Variants in ARHGAP15 observed in about 807,000 individuals in gnomAD.
ARHGAP15 encodes rho GTPase-activating protein 15.
ARHGAP15 carries 51 observed loss-of-function variants against 63.7 expected under a neutral mutation model. That is an observed-to-expected ratio of 0.80 (90% CI 0.64 to 1.01). The LOEUF is 1.01. Among genes scored for constraint, ARHGAP15 ranks in the 50% least tolerant of loss-of-function variants. The pLI is 0.00. For synonymous variants in ARHGAP15, 191 were observed against 193.8 expected, an observed-to-expected ratio of 0.99 and a Z score of 0.12; for missense variants, 560 against 564.6, an observed-to-expected ratio of 0.99 and a Z score of 0.08.
At chr2:143,742,890 T>A (rs1686014821) in intron 13 of ARHGAP15, among the ~76,000 whole-genome samples, 1 of 152,172 alleles carries the variant, frequency 6.6e-6, no homozygotes, top group Non-Finnish European at 1.5e-5. Context: ...ATATTCTCCT[T>A]CACAGACTTT....
intron 11 of ARHGAP15, among the ~76,000 whole-genome samples, chr2:143,604,566 C>T (rs916392763): frequency 2.0e-5 from 3 of 152,190 alleles, no homozygotes; most frequent in African/African-American, 7.2e-5. Flanking sequence ...TTTCAGAGAA[C>T]ATATTATATC....
rs1270213913 is a variant in ARHGAP15 at position 143,713,188 on chromosome 2, G to A, written c.1244+9664G>A. 2.0e-5 allele frequency among the ~76,000 whole-genome samples: 3 copies of A among 152,270 alleles called. No homozygotes were observed. The East Asian group carries it at 5.8e-4, about 29-fold the overall frequency. ...AGTTTAATTGGACTTACAGTTCCAC[G>A]TGGCTGAGGTGGAGAGACCTCAGAA... is the stretch of plus-strand genomic sequence containing the variant. On this transcript the variant is annotated intron_variant, in intron 13 of 13. Transcript: ENST00000295095.
chr2:143,503,554 C>A (rs1024307428), intron 9 of ARHGAP15, among the ~76,000 whole-genome samples: 1 of 152,214 alleles, frequency 6.6e-6, no homozygotes. Context: ...GCGTAGCAAA[C>A]AATAGCTATT....
intron 11 of ARHGAP15, among the ~76,000 whole-genome samples, chr2:143,564,937 A>G (rs1283309328): frequency 1.3e-5 from 2 of 152,232 alleles, no homozygotes; most frequent in Admixed American, 6.5e-5. Context: ...ATACATTTAT[A>G]TCATTGCTGA....
At chr2:143,352,839 C>T (rs1270643426) in intron 6 of ARHGAP15, among the ~76,000 whole-genome samples, 1 of 152,146 alleles carries the variant, frequency 6.6e-6, no homozygotes, top group East Asian at 1.9e-4. Flanking sequence ...TAATTTCTTC[C>T]ACATCCTTTG....
At chr2:143,746,795 A>G (rs1361224296) in intron 13 of ARHGAP15, among the ~76,000 whole-genome samples, 2 of 152,232 alleles carry the variant, frequency 1.3e-5, no homozygotes, top group Non-Finnish European at 2.9e-5. Flanking sequence ...GCAAATAAGC[A>G]AGTGATCAGA....
intron 6 of ARHGAP15, among the ~76,000 whole-genome samples, chr2:143,415,803 A>C (rs1688650248): frequency 6.6e-6 from 1 of 152,226 alleles, no homozygotes; most frequent in Admixed American, 6.5e-5. Flanking sequence ...CATAAAAATG[A>C]ATGAATTAAT....
chr2:143,368,304 C>T (rs1251835388), intron 6 of ARHGAP15, among the ~76,000 whole-genome samples: 2 of 151,838 alleles, frequency 1.3e-5, no homozygotes, highest in South Asian at 2.1e-4. Flanking sequence ...GAGCAAATAA[C>T]ATTTCAGCTA....
chr2:143,466,729 CA>C (rs1427974792), intron 8 of ARHGAP15, among the ~76,000 whole-genome samples: 2 of 152,034 alleles, frequency 1.3e-5, no homozygotes, highest in Non-Finnish European at 2.9e-5. Flanking sequence ...CATTTTTAGA[CA>C]TCCAAGAAGT....
chr2:143,594,521 A>G (rs1454885464), intron 11 of ARHGAP15, among the ~76,000 whole-genome samples: 1 of 152,184 alleles, frequency 6.6e-6, no homozygotes, highest in Non-Finnish European at 1.5e-5. Context: ...GGCTTTTAGT[A>G]ATAATATGAA....
chr2:143,283,111 A>G lies in ARHGAP15; in HGVS notation c.474+32511A>G, dbSNP rs529219816. ...ATTTTTCCCCAGGAGTTTTTTTGCT[A>G]ACATTTTTCAAGGCAAAATATTCAA... is the stretch of plus-strand genomic sequence containing the variant. On this transcript the variant is annotated intron_variant, in intron 6 of 13. Transcript: ENST00000295095. Among the ~76,000 whole-genome samples, 265 of 152,284 alleles carry G rather than the reference A, an allele frequency of 1.7e-3. 2 individuals are homozygous for G. The highest frequency in any genetic ancestry group is 6.2e-3 in the African/African-American group (256 of 41,564).
At chr2:143,158,755 T>C (rs186734368) in intron 2 of ARHGAP15, among the ~76,000 whole-genome samples, 226 of 151,968 alleles carry the variant, frequency 1.5e-3, no homozygotes, top group Non-Finnish European at 2.9e-3. Flanking sequence ...CTCTTAAAGG[T>C]AGACAGCTTA....
At chr2:143,425,487 GAT>G (rs1157934671) in intron 6 of ARHGAP15, among the ~76,000 whole-genome samples, 11 of 151,688 alleles carry the variant, frequency 7.3e-5, no homozygotes, top group South Asian at 4.2e-4. Flanking sequence ...CATATATAGT[GAT>G]ATATATATGA....
chr2:143,376,971 T>C (rs73964503), intron 6 of ARHGAP15, among the ~76,000 whole-genome samples: 57,902 of 151,874 alleles, frequency 0.38, 11,150 homozygotes, highest in Middle Eastern at 0.42. Flanking sequence ...AATATTTTGC[T>C]CAGTAAGTAA....
chr2:143,450,153 C>CTT (rs557420934), intron 8 of ARHGAP15, among the ~76,000 whole-genome samples: 5 of 91,340 alleles, frequency 5.5e-5, no homozygotes, highest in African/African-American at 1.2e-4. Context: ...AGGTTTCATG[C>CTT]TTTTTTTTTT....
intron 6 of ARHGAP15, among the ~76,000 whole-genome samples, chr2:143,325,403 C>T (rs1163275721): frequency 3.3e-5 from 5 of 152,016 alleles, no homozygotes; most frequent in Admixed American, 3.3e-4. Context: ...CATTTTAGTA[C>T]AATTGTTTTT....
chr2:143,724,801 A>C (rs910243735), intron 13 of ARHGAP15, among the ~76,000 whole-genome samples: 1 of 152,254 alleles, frequency 6.6e-6, no homozygotes, highest in East Asian at 1.9e-4. Flanking sequence ...AAGGAAAAAA[A>C]TGTAGAAAAT....
chr2:143,675,826 G>A (rs963597967), intron 12 of ARHGAP15, among the ~76,000 whole-genome samples: 1 of 152,210 alleles, frequency 6.6e-6, no homozygotes, highest in Non-Finnish European at 1.5e-5. Flanking sequence ...TCAACTTAAA[G>A]TCACCAGCTG....
intron 6 of ARHGAP15, among the ~76,000 whole-genome samples, chr2:143,264,564 C>T (rs183664877): frequency 3.3e-5 from 5 of 152,166 alleles, no homozygotes; most frequent in Admixed American, 3.3e-4. Flanking sequence ...AGAAATACTC[C>T]TATTGTCCAA....
Sources: gnomAD v4.1 joint callset for allele counts (sites outside exome capture counted in the v4.1 genomes callset) on GRCh38, gnomAD v4.1.1 for gene constraint, MANE v1.5 for transcripts, NCBI Gene and HGNC (gene_info 2026-07-23, HGNC 2026-07-21) for gene names.